The following PLCL2 variants were observed in gnomAD, a reference collection of about 807,000 sequenced individuals.
PLCL2 encodes the protein phospholipase C like 2.
A neutral mutation model predicts 79.6 loss-of-function variants in PLCL2; 4 were observed. The ratio of observed to expected loss-of-function variants is 0.05; its 90% CI spans 0.02 to 0.11. PLCL2 has a LOEUF of 0.11. Among genes scored for constraint, PLCL2 ranks in the 10% least tolerant of loss-of-function variants. PLCL2 has a pLI of 1.00. For synonymous variants in PLCL2, 484 were observed against 457.7 expected (o/e 1.06, Z -0.73); for missense variants, 895 against 1,291.0 (o/e 0.69, Z 4.70).
At chr3:17,038,431 A>G (rs561933993) in intron 3 of PLCL2, among the ~76,000 whole-genome samples, 29 of 152,334 alleles carry the variant, frequency 1.9e-4, no homozygotes, top group Middle Eastern at 3.4e-3. Flanking sequence ...TAATGCTTAT[A>G]TAATTAACCA....
At chr3:16,901,817 C>A (rs557491334) in intron 1 of PLCL2, among the ~76,000 whole-genome samples, 2 of 152,352 alleles carry the variant, frequency 1.3e-5, no homozygotes, top group South Asian at 4.1e-4. Flanking sequence ...CTGTTTTCAG[C>A]TGTATCTAAA....
intron 5 of PLCL2, among the ~76,000 whole-genome samples, chr3:17,089,322 C>T (rs1459498809): frequency 6.6e-6 from 1 of 152,106 alleles, no homozygotes; most frequent in Non-Finnish European, 1.5e-5. Flanking sequence ...GTATACAAGA[C>T]CTCTCTGTAC....
At chr3:17,026,652 T>A (rs2064520279) in intron 3 of PLCL2, among the ~76,000 whole-genome samples, 1 of 152,014 alleles carries the variant, frequency 6.6e-6, no homozygotes, top group Admixed American at 6.6e-5. Context: ...GAGGCAGACT[T>A]AATCTAGGAG....
chr3:16,989,964 T>A (rs1295861147), intron 1 of PLCL2, among the ~76,000 whole-genome samples: 2 of 152,104 alleles, frequency 1.3e-5, no homozygotes, highest in African/African-American at 4.8e-5. Flanking sequence ...GGATGGCCAT[T>A]CTCATCTAAT....
At chr3:17,020,089 G>A (rs2064431670) in intron 3 of PLCL2, among the ~76,000 whole-genome samples, 1 of 152,074 alleles carries the variant, frequency 6.6e-6, no homozygotes. Context: ...TTTTTATGTT[G>A]AGAGTGATAA....
chr3:17,001,922 G>C (rs541912949), intron 1 of PLCL2, among the ~76,000 whole-genome samples: 1 of 151,486 alleles, frequency 6.6e-6, no homozygotes, highest in Non-Finnish European at 1.5e-5. Context: ...GCATTAAATT[G>C]ATAGATCATT....
intron 3 of PLCL2, among the ~76,000 whole-genome samples, chr3:17,019,195 C>T (rs2064419131): frequency 6.6e-6 from 1 of 152,078 alleles, no homozygotes; most frequent in South Asian, 2.1e-4. Flanking sequence ...AAGATGAGTT[C>T]GTAGGGTGAA....
intron 1 of PLCL2, among the ~76,000 whole-genome samples, chr3:16,987,805 G>T (rs553461403): frequency 1.3e-5 from 2 of 152,200 alleles, no homozygotes; most frequent in East Asian, 3.9e-4. Flanking sequence ...TTACCATTAT[G>T]GAGATTATAA....
At chr3:16,961,491 G>A (rs1426194795) in intron 1 of PLCL2, among the ~76,000 whole-genome samples, 1 of 152,148 alleles carries the variant, frequency 6.6e-6, no homozygotes, top group African/African-American at 2.4e-5. Flanking sequence ...AAGGGTTTAA[G>A]GAAGTTTAAT....
At position 16,886,990 on chromosome 3, in the gene PLCL2, TAGTG is replaced by T. The variant is rs1208196102; in HGVS notation, c.327+1627_327+1630del. Among the ~76,000 whole-genome samples the T allele has an allele frequency of 6.6e-6, 1 of 152,232 alleles. No individual in the cohort carries two copies. The highest frequency in any genetic ancestry group is 1.5e-5 in the Non-Finnish European group (1 of 68,034). ...AAAAATCAAACTTTATTAGTGTCCA[TAGTG>T]AGATTCATAGTGTAACTTACTGAAT... On this transcript the variant is annotated intron_variant, in intron 1 of 5. Coordinates refer to ENST00000615277, the MANE Select transcript of PLCL2 (RefSeq NM_001144382.2). This position sits in a 1 kb window ranked among gnomAD's most constrained non-coding sequence, Gnocchi z 4.2.
intron 4 of PLCL2, among the ~76,000 whole-genome samples, chr3:17,064,360 C>A (rs927397320): frequency 6.6e-6 from 1 of 152,128 alleles, no homozygotes; most frequent in African/African-American, 2.4e-5. Context: ...TATGCAATAG[C>A]CCTTACAATG....
intron 1 of PLCL2, among the ~76,000 whole-genome samples, chr3:16,954,749 G>T (rs982704329): frequency 6.6e-6 from 1 of 152,174 alleles, no homozygotes; most frequent in African/African-American, 2.4e-5. Flanking sequence ...TCTCATTGTG[G>T]TTTTAATTTG....
chr3:17,085,598 C>T (rs1392063084), intron 5 of PLCL2, among the ~76,000 whole-genome samples: 2 of 151,834 alleles, frequency 1.3e-5, no homozygotes, highest in Non-Finnish European at 2.9e-5. Context: ...TACAGGCGCC[C>T]GCCACCACGC....
intron 1 of PLCL2, among the ~76,000 whole-genome samples, chr3:16,966,502 G>T (rs921670322): frequency 2.0e-5 from 3 of 152,126 alleles, no homozygotes; most frequent in Admixed American, 2.0e-4. Context: ...GTCTCTGCCA[G>T]ACTTTGGTAT....
Position 16,906,954 on chromosome 3 carries a change from T to TC in PLCL2, c.327+21592dup, listed in dbSNP as rs1473972619. Among the ~76,000 whole-genome samples the TC allele has an allele frequency of 3.9e-4, 59 of 152,238 alleles. No individual in the cohort carries two copies. In the East Asian group the frequency reaches 0.01, roughly 26 times the overall value. On this transcript the variant is annotated intron_variant, in intron 1 of 5. Transcript: ENST00000615277. ...CTGTGGTAACTTGGAAGGTGTTTTT[T>TC]CCCCGCTGAGTTGCAGAGTTTAAGA...
intron 5 of PLCL2, among the ~76,000 whole-genome samples, chr3:17,077,036 C>T (rs1265882594): frequency 6.6e-6 from 1 of 152,174 alleles, no homozygotes; most frequent in African/African-American, 2.4e-5. Context: ...CTCTTGGCCC[C>T]TCATGTTCTA....
chr3:16,992,776 G>T (rs1037981262), intron 1 of PLCL2, among the ~76,000 whole-genome samples: 2 of 152,216 alleles, frequency 1.3e-5, no homozygotes, highest in African/African-American at 4.8e-5. Context: ...AAGGATCCAT[G>T]CCCATGAAGG....
At chr3:17,020,003 G>T (rs1031269015) in intron 3 of PLCL2, among the ~76,000 whole-genome samples, 2 of 151,974 alleles carry the variant, frequency 1.3e-5, no homozygotes, top group East Asian at 3.9e-4. Context: ...CTGGCATTTC[G>T]GTGCATCTCC....
chr3:17,006,973 A>C (rs536350607), intron 1 of PLCL2, among the ~76,000 whole-genome samples: 1 of 152,380 alleles, frequency 6.6e-6, no homozygotes, highest in East Asian at 1.9e-4. Context: ...TAAAAATGAA[A>C]GAATAAAAGA....
Sources: allele counts gnomAD v4.1 joint callset (sites outside exome capture counted in the v4.1 genomes callset), GRCh38; gene constraint gnomAD v4.1.1; non-coding constraint Gnocchi (gnomAD v3.1); transcripts MANE v1.5; gene names NCBI Gene and HGNC (gene_info 2026-07-23, HGNC 2026-07-21).